Variants in PCDHA4 observed in about 807,000 individuals in gnomAD.
PCDHA4 encodes protocadherin alpha 4, also known as protocadherin alpha-4.
A neutral mutation model predicts 61.4 loss-of-function variants in PCDHA4; 49 were observed. The ratio of observed to expected loss-of-function variants is 0.80; its 90% CI spans 0.63 to 1.01. The LOEUF (loss-of-function observed/expected upper bound fraction) is 1.01, where lower values mean the gene tolerates loss of function less well. Ranked by LOEUF, PCDHA4 falls within the 50% of genes least tolerant of loss-of-function variation. The probability of loss-of-function intolerance (pLI) is 0.00; values close to 1 mark genes in which losing one functional copy is unlikely to be tolerated. For synonymous variants in PCDHA4, 590 were observed against 550.3 expected, an observed-to-expected ratio of 1.07 and a Z score of -1.01; for missense variants, 1,254 against 1,235.8, an observed-to-expected ratio of 1.01 and a Z score of -0.22.
chr5:140,883,162 C>T, intron 1 of PCDHA4: 2 of 1,613,808 alleles, frequency 1.2e-6, no homozygotes, highest in Non-Finnish European at 1.7e-6. Flanking sequence ...TAAATCCGAA[C>T]AATGGAGAAA....
rs2150351918 is a variant in PCDHA4, at chr5:140,843,075, TG to T, written c.2385+33506del. ...GCGAGCAAGCTGGTGCCGCGGTCTG[TG>T]GGCGCGGGCCACGTGGTAGCGAAGG... On this transcript the variant is annotated intron_variant, in intron 1 of 3. Coordinates refer to ENST00000530339, the MANE Select transcript of PCDHA4 (RefSeq NM_018907.4). 2.6e-5 allele frequency: 42 copies of T among 1,595,158 alleles called. 6 individuals carry two copies. Among genetic ancestry groups the T allele is most frequent in the Non-Finnish European group, 1.6e-5 (19 of 1,165,272 alleles).
intron 1 of PCDHA4, chr5:140,928,471 G>A: frequency 6.2e-7 from 1 of 1,614,148 alleles, no homozygotes; most frequent in South Asian, 1.1e-5. Context: ...CCAAGTAGAA[G>A]GCCGGGATGG....
intron 1 of PCDHA4, chr5:140,968,520 C>A: frequency 6.2e-7 from 1 of 1,614,194 alleles, no homozygotes; most frequent in Non-Finnish European, 8.5e-7. Flanking sequence ...CCTACCTCAA[C>A]CAACTCGTCA....
intron 1 of PCDHA4, among the ~76,000 whole-genome samples, chr5:140,940,458 C>T (rs1041159084): frequency 4.0e-5 from 6 of 151,806 alleles, no homozygotes; most frequent in African/African-American, 1.5e-4. Context: ...TTATAGGTTT[C>T]TGTTCCCTGC....
At chr5:140,920,767 C>T (rs1484117906) in intron 1 of PCDHA4, among the ~76,000 whole-genome samples, 1 of 151,632 alleles carries the variant, frequency 6.6e-6, no homozygotes. Context: ...TTGCTTACAC[C>T]TGGGAGGTGG....
chr5:140,947,249 C>T (rs1178030042), intron 1 of PCDHA4, among the ~76,000 whole-genome samples: 3 of 151,204 alleles, frequency 2.0e-5, no homozygotes, highest in African/African-American at 7.3e-5. Flanking sequence ...TAAGATAATC[C>T]AATGTACCAT....
Position 140,843,518 on chromosome 5 carries a change from C to G in PCDHA4, c.2385+33946C>G, listed in dbSNP as rs2150361647. On this transcript the variant is annotated intron_variant, in intron 1 of 3. Transcript: ENST00000530339. ...AGCACTGCCCACTGAGGGCGGGTGC[C>G]GGGCGGGCAAGCCCACTCTGGTGTG... 99 of 1,595,534 alleles carry G rather than the reference C, an allele frequency of 6.2e-5. 6 individuals are homozygous for G. The highest frequency in any genetic ancestry group is 1.7e-4 in the Middle Eastern group (1 of 5,992).
At chr5:140,947,610 C>T (rs989640335) in intron 1 of PCDHA4, among the ~76,000 whole-genome samples, 3 of 151,562 alleles carry the variant, frequency 2.0e-5, no homozygotes, top group South Asian at 2.1e-4. Flanking sequence ...GATTTGGTAT[C>T]TTAACAATAT....
At position 140,883,599 on chromosome 5, in the gene PCDHA4, G is replaced by A. The variant is rs1562791244; in HGVS notation, c.2385+74027G>A. ...TGGGCCACGGCCAGCGTGTCGGTGG[G>A]GGTGGCCGACGTGAACGACAACGCG... On this transcript the variant is annotated intron_variant, in intron 1 of 3. Coordinates refer to ENST00000530339, the MANE Select transcript of PCDHA4 (RefSeq NM_018907.4). 4 of 1,614,016 alleles carry A rather than the reference G, an allele frequency of 2.5e-6. No homozygotes were observed. Among genetic ancestry groups the A allele is most frequent in the Non-Finnish European group, 3.4e-6 (4 of 1,179,942 alleles).
intron 1 of PCDHA4, among the ~76,000 whole-genome samples, chr5:140,961,952 C>T (rs2095645754): frequency 6.6e-6 from 1 of 151,264 alleles, no homozygotes; most frequent in South Asian, 2.1e-4. Flanking sequence ...GGCATGATCT[C>T]GGCTCACTGC....
chr5:140,964,930 G>A (rs1480159584), intron 1 of PCDHA4, among the ~76,000 whole-genome samples: 12 of 152,306 alleles, frequency 7.9e-5, no homozygotes, highest in Middle Eastern at 3.4e-3. Flanking sequence ...CTAGGTAGTG[G>A]AGCATTGATA....
intron 1 of PCDHA4, among the ~76,000 whole-genome samples, chr5:140,943,273 A>G (rs1451221832): frequency 1.3e-5 from 2 of 150,472 alleles, no homozygotes; most frequent in East Asian, 1.9e-4. Flanking sequence ...AAAAAAAAAA[A>G]AAAAGAAAGA....
In PCDHA4 at chr5:140,808,639, G is replaced by A. The variant is rs782266582; in HGVS notation, c.1452G>A (p.Ala484=). Residue 484 remains alanine, a synonymous_variant, in exon 1 of 4, where the codon GCG becomes GCA. Transcript: ENST00000530339. The stretch of plus-strand genomic sequence containing the variant: ...CTGTGTCTGCGTGGGACGCGGACGC[G>A]CAGGAGAACGCGCTGGTGTCCTACT... The part of the protein sequence containing the change: ...IFTVSAWDAD[A]QENALVSYSL... The A allele has an allele frequency of 8.7e-6, 14 of 1,613,332 alleles. No individual in the cohort carries two copies. Among genetic ancestry groups the A allele is most frequent in the African/African-American group, 2.7e-5 (2 of 74,938 alleles).
intron 1 of PCDHA4, among the ~76,000 whole-genome samples, chr5:140,832,290 AT>A (rs1771900444): frequency 6.6e-6 from 1 of 152,162 alleles, no homozygotes; most frequent in Non-Finnish European, 1.5e-5. Context: ...TGAATGGTGT[AT>A]TTGCCCACAT....
chr5:140,895,124 T>A (rs2064859568), intron 1 of PCDHA4, among the ~76,000 whole-genome samples: 1 of 152,196 alleles, frequency 6.6e-6, no homozygotes, highest in Non-Finnish European at 1.5e-5. Flanking sequence ...ATTTGTTAGT[T>A]GACAAGTTCA....
intron 1 of PCDHA4, among the ~76,000 whole-genome samples, chr5:140,902,760 T>G (rs887357298): frequency 1.4e-4 from 22 of 152,038 alleles, no homozygotes; most frequent in African/African-American, 5.3e-4. Context: ...ATCATTCTTA[T>G]GTCTTTGCAT....
At chr5:140,840,375 A>G (rs1776670697) in intron 1 of PCDHA4, among the ~76,000 whole-genome samples, 1 of 151,962 alleles carries the variant, frequency 6.6e-6, no homozygotes, top group Non-Finnish European at 1.5e-5. Context: ...AGAAAATGAA[A>G]ATAGGGGGTT....
chr5:140,870,399 T>C, intron 1 of PCDHA4: 1 of 1,614,196 alleles, frequency 6.2e-7, no homozygotes, highest in Non-Finnish European at 8.5e-7. Flanking sequence ...GGGGTTCGCC[T>C]TCTCTGTGGG....
At position 140,822,688 on chromosome 5, in the gene PCDHA4, G is replaced by A. The variant is rs2150118559; in HGVS notation, c.2385+13116G>A. 2.5e-6 allele frequency: 4 copies of A among 1,609,140 alleles called. No homozygotes were observed. The highest frequency in any genetic ancestry group is 1.7e-5 in the Admixed American group (1 of 59,880). On this transcript the variant is annotated intron_variant, in intron 1 of 3. Transcript: ENST00000530339. ...TAATACTGGTGAAATAAAAGTTAAC[G>A]GGGAACTGGATTATGAAGACTATAA...
Sources: gnomAD v4.1 joint callset for allele counts (sites outside exome capture counted in the v4.1 genomes callset) on GRCh38, gnomAD v4.1.1 for gene constraint, MANE v1.5 for transcripts, NCBI Gene and HGNC (gene_info 2026-07-23, HGNC 2026-07-21) for gene names.